DNAH5: variants seen among roughly 807,000 people sequenced by gnomAD.
DNAH5 encodes dynein axonemal heavy chain 5.
In DNAH5, 372 loss-of-function variants were observed where a neutral mutation model predicts 518.2. That is an observed-to-expected ratio of 0.72 (90% CI 0.66 to 0.78). The LOEUF (loss-of-function observed/expected upper bound fraction) is 0.78, where lower values mean the gene tolerates loss of function less well. DNAH5 is among the 30% of genes least tolerant of loss of function. DNAH5 has a pLI of 0.00. For missense variants in DNAH5, 5,523 were observed against 5,687.0 expected (o/e 0.97, Z 0.93); for synonymous variants, 2,039 against 2,025.9 (o/e 1.01, Z -0.17).
chr5:13,847,540 T>C (rs1343913421), intron 31 of DNAH5, among the ~76,000 whole-genome samples: 1 of 148,566 alleles, frequency 6.7e-6, no homozygotes, highest in African/African-American at 2.5e-5. Context: ...GCCACCATGG[T>C]GAAACCTCGT....
Position 13,913,938 on chromosome 5 carries a change from G to A in DNAH5, c.1341C>T (p.His447=), listed in dbSNP as rs886060014. 6.2e-7 allele frequency: 1 copy of A among 1,613,020 alleles called. No individual in the cohort carries two copies. Among genetic ancestry groups the A allele is most frequent in the Non-Finnish European group, 8.5e-7 (1 of 1,179,210 alleles). Residue 447 remains histidine (H), a synonymous_variant, in exon 11 of 79, where the codon CAC becomes CAT. Coordinates refer to ENST00000265104, the MANE Select transcript of DNAH5 (RefSeq NM_001369.3). Reference sequence around the variant, plus strand: ...TTTGTTTAAGCTTTTGTTTTGTCTTGTGAAAGCAGAGCTGGTATTCCTTAA... The same window carrying A: ...TTTGTTTAAGCTTTTGTTTTGTCTTATGAAAGCAGAGCTGGTATTCCTTAA... ...KLKQEYQLCF[H]KTKQKLKQNP...
intron 1 of DNAH5, among the ~76,000 whole-genome samples, chr5:14,002,617 C>T (rs1471838116): frequency 7.5e-6 from 1 of 133,612 alleles, no homozygotes; most frequent in Non-Finnish European, 1.6e-5. Flanking sequence ...AACATAGATC[C>T]ATATTTTCAA....
intron 53 of DNAH5, among the ~76,000 whole-genome samples, chr5:13,778,487 GAA>G: frequency 1.0e-5 from 1 of 99,098 alleles, no homozygotes; most frequent in Non-Finnish European, 2.0e-5. Context: ...AAGAAGGAAG[GAA>G]GGAAGGAAGG....
In DNAH5 at chr5:13,737,381, C is replaced by T. The variant is rs559545340; in HGVS notation, c.11326G>A (p.Val3776Ile). The T allele has an allele frequency of 1.7e-5, 27 of 1,614,162 alleles. No individual in the cohort carries two copies. The East Asian group carries it at 3.6e-4, about 21-fold the overall frequency. The change falls in exon 66 of 79, where the codon GTA (valine) becomes ATA (isoleucine). Residue 3776 changes from valine (V) to isoleucine (I), a missense_variant. By Grantham distance (29) the Val-to-Ile change is conservative (BLOSUM62 3). Coordinates refer to ENST00000265104, the MANE Select transcript of DNAH5 (RefSeq NM_001369.3). Reference protein sequence around the residue: ...YRLTSTQGSLVEDESLIVVLS... With the variant: ...YRLTSTQGSLIEDESLIVVLS... ...ACGACAATGAGACTTTCATCTTCTA[C>T]CAGGGACCCCTGGGTACTTGTCAGG...
intron 1 of DNAH5, among the ~76,000 whole-genome samples, chr5:13,950,774 C>G (rs1780327872): frequency 6.6e-6 from 1 of 152,134 alleles, no homozygotes; most frequent in Non-Finnish European, 1.5e-5. Flanking sequence ...TGAGTCTCTT[C>G]AGATAGTATC....
chr5:13,934,236 A>T (rs1420307303), intron 1 of DNAH5, among the ~76,000 whole-genome samples: 1 of 152,076 alleles, frequency 6.6e-6, no homozygotes, highest in Non-Finnish European at 1.5e-5. Context: ...CTTCTAGCTG[A>T]CCCCAGCACC....
At chr5:13,742,570 A>G (rs1386981355) in intron 65 of DNAH5, among the ~76,000 whole-genome samples, 1 of 152,136 alleles carries the variant, frequency 6.6e-6, no homozygotes, top group African/African-American at 2.4e-5. Flanking sequence ...ACAAATATTA[A>G]TAAAATAAAC....
intron 7 of DNAH5, 51 bp downstream of exon 7, chr5:13,919,125 A>G (rs371500021): frequency 9.1e-5 from 147 of 1,610,690 alleles, no homozygotes; most frequent in Non-Finnish European, 1.2e-4. Context: ...GAAAATATGC[A>G]TAGAGAACTC....
intron 29 of DNAH5, among the ~76,000 whole-genome samples, chr5:13,861,004 C>A (rs1368182979): frequency 2.0e-5 from 3 of 152,114 alleles, no homozygotes; most frequent in South Asian, 2.1e-4. Flanking sequence ...AAACAGAGAT[C>A]TTTCCCTTAT....
In DNAH5 at chr5:13,960,917, A is replaced by G. The variant is rs560395444; in HGVS notation, c.13-29673T>C. Among the ~76,000 whole-genome samples the G allele has an allele frequency of 2.6e-5, 4 of 152,334 alleles. No individual in the cohort carries two copies. In the South Asian group the frequency reaches 8.3e-4, roughly 32 times the overall value. On this transcript the variant is annotated intron_variant, in intron 1 of 78. Coordinates refer to the DNAH5 transcript ENST00000681290. Reference sequence around the variant, plus strand: ...ATGGGATTGGGCTTAGTTCCACAAGAAGAGAGAAGAACTGGAAAAGGCTGC... The same window carrying G: ...ATGGGATTGGGCTTAGTTCCACAAGGAGAGAGAAGAACTGGAAAAGGCTGC...
chr5:13,991,185 G>C (rs12659701), intron 1 of DNAH5, among the ~76,000 whole-genome samples: 9,263 of 152,006 alleles, frequency 0.061, 584 homozygotes, highest in East Asian at 0.2. Flanking sequence ...GTGAAAAGAG[G>C]GAAAGGGAAA....
chr5:13,787,933 A>G (rs540883450), intron 51 of DNAH5, among the ~76,000 whole-genome samples: 37 of 152,340 alleles, frequency 2.4e-4, no homozygotes, highest in African/African-American at 8.4e-4. Context: ...GCATGTTTTT[A>G]AACATGCTTT....
intron 1 of DNAH5, among the ~76,000 whole-genome samples, chr5:14,000,095 G>A (rs1784244769): frequency 6.6e-6 from 1 of 151,934 alleles, no homozygotes; most frequent in Non-Finnish European, 1.5e-5. Context: ...ACTTCAAGGT[G>A]TAGCCTTCTT....
intron 47 of DNAH5, among the ~76,000 whole-genome samples, chr5:13,806,374 G>C (rs906867830): frequency 2.0e-5 from 3 of 152,070 alleles, no homozygotes; most frequent in Admixed American, 2.0e-4. Flanking sequence ...TCCTCCAGAA[G>C]AGTATAATGA....
Position 13,882,756 on chromosome 5 carries a change from A to C in DNAH5, c.3234T>G (p.Asp1078Glu). ...ALQSNEDSDS[D>E]VEMGENELQD... is the part of the protein sequence containing the mutation. ...GAAGTTCATTTTCTCCCATTTCAAC[A>C]TCAGAATCACTGTCTTCATTACTCT... Residue 1078 changes from aspartate to glutamate, a missense_variant, in exon 21 of 79, where the codon GAT (aspartate) becomes GAG (glutamate). Physicochemically the swap from Asp to Glu is conservative, Grantham distance 45 (BLOSUM62 2). Transcript: ENST00000265104. 6.2e-7 allele frequency: 1 copy of C among 1,614,034 alleles called. No individual in the cohort carries two copies. Among genetic ancestry groups the C allele is most frequent in the East Asian group, 2.2e-5 (1 of 44,884 alleles).
At chr5:13,805,160 A>G (rs577157043) in intron 47 of DNAH5, among the ~76,000 whole-genome samples, 29 of 152,210 alleles carry the variant, frequency 1.9e-4, no homozygotes, top group African/African-American at 7.0e-4. Flanking sequence ...AAGTCACATG[A>G]TATCAGTTGA....
chr5:13,812,084 C>A (rs550667912), intron 43 of DNAH5, among the ~76,000 whole-genome samples: 1 of 152,250 alleles, frequency 6.6e-6, no homozygotes, highest in Non-Finnish European at 1.5e-5. Context: ...AGGTAGCCTG[C>A]TCAGGAGCCC....
intron 40 of DNAH5, among the ~76,000 whole-genome samples, chr5:13,822,153 T>C (rs1762314195): frequency 6.6e-6 from 1 of 151,988 alleles, no homozygotes; most frequent in Admixed American, 6.6e-5. Flanking sequence ...AAATTATCAC[T>C]CTTACCTCAT....
chr5:13,794,155 G>A, intron 47 of DNAH5, 97 bp from the exon 48 acceptor site: 1 of 1,499,952 alleles, frequency 6.7e-7, no homozygotes, highest in Non-Finnish European at 9.1e-7. Context: ...CCTTTGAACT[G>A]ATATGAATTA....
Sources: gnomAD v4.1 joint callset for allele counts (sites outside exome capture counted in the v4.1 genomes callset) on GRCh38, gnomAD v4.1.1 for gene constraint, MANE v1.5 for transcripts, NCBI Gene and HGNC (gene_info 2026-07-23, HGNC 2026-07-21) for gene names.